The following NEBL variants were observed in gnomAD, a reference collection of about 807,000 sequenced individuals.
The protein encoded by NEBL is nebulette.
In NEBL, 122 loss-of-function variants were observed where a neutral mutation model predicts 140.2. The ratio of observed to expected loss-of-function variants is 0.87; its 90% CI spans 0.75 to 1.01. The LOEUF (loss-of-function observed/expected upper bound fraction) is 1.01, where lower values mean the gene tolerates loss of function less well. NEBL is among the 50% of genes least tolerant of loss of function. The pLI is 0.00. For missense variants in NEBL, 1,365 were observed against 1,231.3 expected (o/e 1.11, Z -1.62); for synonymous variants, 436 against 398.9 (o/e 1.09, Z -1.11).
chr10:21,120,268 T>A (rs4275522), intron 2 of NEBL, among the ~76,000 whole-genome samples: 69,610 of 149,034 alleles, frequency 0.47, 18,799 homozygotes, highest in East Asian at 0.74. Context: ...CCAGCTACTC[T>A]GGAGGCTGAG....
At chr10:21,064,395 T>G (rs1301263190) in intron 2 of NEBL, among the ~76,000 whole-genome samples, 1 of 152,156 alleles carries the variant, frequency 6.6e-6, no homozygotes, top group Non-Finnish European at 1.5e-5. Flanking sequence ...ACAATCCAGG[T>G]TGACAACCAC....
intron 4 of NEBL, among the ~76,000 whole-genome samples, chr10:20,933,076 G>A (rs575138455): frequency 2.6e-5 from 4 of 152,034 alleles, no homozygotes; most frequent in Admixed American, 6.5e-5. Flanking sequence ...AAAAAAAAAG[G>A]TACAATCGAT....
rs534603328 is a variant in NEBL, at chr10:20,941,017, G to A, written c.357+20655C>T. On this transcript the variant is annotated intron_variant, in intron 4 of 6. Transcript: ENST00000417816. ...AATTCTACCAGAGGTACAAGAAGGAGCTGGTACCATTCCTTCTGAAACTAT... is the reference window on the plus strand; with the variant it reads ...AATTCTACCAGAGGTACAAGAAGGAACTGGTACCATTCCTTCTGAAACTAT... Among the ~76,000 whole-genome samples, 1,205 of 152,248 alleles carry A rather than the reference G, an allele frequency of 7.9e-3. 18 individuals are homozygous for A. Among genetic ancestry groups the A allele is most frequent in the Admixed American group, 0.013 (205 of 15,292 alleles).
At chr10:21,279,586 G>C (rs1490300544) in intron 1 of NEBL, among the ~76,000 whole-genome samples, 1 of 151,834 alleles carries the variant, frequency 6.6e-6, no homozygotes, top group African/African-American at 2.4e-5. Flanking sequence ...GGCCAACATG[G>C]CAAAACCTAA....
At chr10:20,844,040 C>T (rs1279099292) in intron 12 of NEBL, among the ~76,000 whole-genome samples, 1 of 152,082 alleles carries the variant, frequency 6.6e-6, no homozygotes, top group Admixed American at 6.6e-5. Flanking sequence ...TAGCCTTCAA[C>T]TTCAAAAATT....
intron 11 of NEBL, among the ~76,000 whole-genome samples, chr10:20,846,719 A>C (rs1282214580): frequency 6.6e-6 from 1 of 152,190 alleles, no homozygotes; most frequent in Non-Finnish European, 1.5e-5. Flanking sequence ...AAATATGTCT[A>C]TGCATTCACG....
At chr10:20,984,666 C>G (rs1461550454) in intron 3 of NEBL, among the ~76,000 whole-genome samples, 1 of 151,964 alleles carries the variant, frequency 6.6e-6, no homozygotes, top group Non-Finnish European at 1.5e-5. Context: ...CACTTGGGCC[C>G]TGCAGTTCTT....
chr10:21,126,072 C>A, intron 2 of NEBL: 1 of 1,614,134 alleles, frequency 6.2e-7, no homozygotes, highest in Non-Finnish European at 8.5e-7. Flanking sequence ...CCCCAACCAG[C>A]TTCCTGGGAG....
At chr10:21,181,171 G>A (rs946054559) in intron 3 of NEBL, among the ~76,000 whole-genome samples, 17 of 151,750 alleles carry the variant, frequency 1.1e-4, no homozygotes, top group African/African-American at 3.9e-4. Flanking sequence ...GCTGAGGCAG[G>A]AGAATCGCTT....
intron 26 of NEBL, among the ~76,000 whole-genome samples, chr10:20,807,559 G>A (rs1444491616): frequency 6.6e-6 from 1 of 152,200 alleles, no homozygotes; most frequent in Admixed American, 6.5e-5. Flanking sequence ...TCACTGTAAT[G>A]AGTGCAGAAA....
At chr10:21,227,738 C>CT (rs1166367197) in intron 3 of NEBL, among the ~76,000 whole-genome samples, 2 of 137,166 alleles carry the variant, frequency 1.5e-5, no homozygotes, top group African/African-American at 6.1e-5. Context: ...TCTTCTTCTT[C>CT]TTCTTCTTCT....
At chr10:21,080,361 A>G (rs1394441593) in intron 2 of NEBL, among the ~76,000 whole-genome samples, 2 of 152,194 alleles carry the variant, frequency 1.3e-5, no homozygotes, top group Non-Finnish European at 2.9e-5. Context: ...ACTCTTCTCA[A>G]TTGTGGTAAA....
At chr10:20,881,216 A>G (rs1231382776) in intron 4 of NEBL, among the ~76,000 whole-genome samples, 1 of 152,216 alleles carries the variant, frequency 6.6e-6, no homozygotes, top group Non-Finnish European at 1.5e-5. Flanking sequence ...TCTGGGATAT[A>G]GATGTCAGAG....
At chr10:21,089,719 T>C (rs1162451955) in intron 2 of NEBL, among the ~76,000 whole-genome samples, 1 of 152,162 alleles carries the variant, frequency 6.6e-6, no homozygotes, top group Non-Finnish European at 1.5e-5. Context: ...CACTCACCAA[T>C]GTGCTTCAAC....
chr10:21,241,291 T>A (rs972611718), intron 3 of NEBL, among the ~76,000 whole-genome samples: 3 of 148,892 alleles, frequency 2.0e-5, no homozygotes, highest in African/African-American at 7.5e-5. Context: ...TAAATAAAAA[T>A]AAAAATCAAT....
intron 13 of NEBL, among the ~76,000 whole-genome samples, chr10:20,839,605 T>C (rs1223846610): frequency 6.6e-6 from 1 of 152,192 alleles, no homozygotes; most frequent in Non-Finnish European, 1.5e-5. Context: ...AATGTGAATA[T>C]AGCTGAGATT....
At chr10:21,211,113 A>G (rs1252740682) in intron 3 of NEBL, among the ~76,000 whole-genome samples, 1 of 152,214 alleles carries the variant, frequency 6.6e-6, no homozygotes, top group African/African-American at 2.4e-5. Flanking sequence ...GAGATAGACT[A>G]AGTCTCGATT....
intron 5 of NEBL, among the ~76,000 whole-genome samples, chr10:20,877,687 C>T (rs1469780830): frequency 3.3e-5 from 5 of 152,084 alleles, no homozygotes; most frequent in Admixed American, 6.5e-5. Context: ...ACATGGAAAC[C>T]GCCAGGCAAA....
At chr10:21,127,989 T>A (rs1295413831) in intron 2 of NEBL, among the ~76,000 whole-genome samples, 1 of 152,218 alleles carries the variant, frequency 6.6e-6, no homozygotes, top group African/African-American at 2.4e-5. Context: ...TAGGTATTTA[T>A]ACATACAACT....
Sources: gnomAD v4.1 joint callset for allele counts (sites outside exome capture counted in the v4.1 genomes callset) on GRCh38, gnomAD v4.1.1 for gene constraint, MANE v1.5 for transcripts, NCBI Gene and HGNC (gene_info 2026-07-23, HGNC 2026-07-21) for gene names.